DGKB: variants seen among roughly 807,000 people sequenced by gnomAD.
The protein encoded by DGKB is diacylglycerol kinase beta.
Under a neutral mutation model 114.3 loss-of-function variants are expected in DGKB, and 67 were observed. The observed-to-expected ratio is 0.59, with a 90% CI of 0.48 to 0.72. The LOEUF (loss-of-function observed/expected upper bound fraction) is 0.72. Ranked by LOEUF, DGKB falls within the 30% of genes least tolerant of loss-of-function variation. The pLI is 0.00. For synonymous variants in DGKB, 398 were observed against 323.1 expected (o/e 1.23, Z -2.49); for missense variants, 907 against 975.2 (o/e 0.93, Z 0.93).
intron 1 of DGKB, among the ~76,000 whole-genome samples, chr7:14,901,337 T>A (rs1490969700): frequency 1.3e-5 from 2 of 152,178 alleles, no homozygotes; most frequent in African/African-American, 4.8e-5. Flanking sequence ...TAGTCCTTGG[T>A]TACCCATTTT....
chr7:14,665,873 T>C (rs1381286086), intron 13 of DGKB, among the ~76,000 whole-genome samples: 2 of 152,016 alleles, frequency 1.3e-5, no homozygotes, highest in Non-Finnish European at 2.9e-5. Context: ...TAGCCTCCTA[T>C]ATGAGATTAC....
At chr7:14,553,295 T>A (rs1424414443) in intron 20 of DGKB, among the ~76,000 whole-genome samples, 1 of 152,246 alleles carries the variant, frequency 6.6e-6, no homozygotes, top group Non-Finnish European at 1.5e-5. Context: ...TTCACTTGTT[T>A]ATTGTGTCCC....
chr7:14,743,608 C>T (rs1381081222), intron 4 of DGKB, among the ~76,000 whole-genome samples: 3 of 152,100 alleles, frequency 2.0e-5, no homozygotes, highest in Middle Eastern at 3.4e-3. Context: ...ATGGGATCTC[C>T]AAAATGATGT....
intron 23 of DGKB, among the ~76,000 whole-genome samples, chr7:14,326,238 G>C (rs1238798321): frequency 6.6e-6 from 1 of 152,096 alleles, no homozygotes; most frequent in Non-Finnish European, 1.5e-5. Flanking sequence ...AAAGCAGCCT[G>C]GGTAAGTTGA....
At chr7:14,204,381 C>G (rs114315276) in intron 23 of DGKB, among the ~76,000 whole-genome samples, 2,332 of 152,022 alleles carry the variant, frequency 0.015, 65 homozygotes, top group African/African-American at 0.053. Context: ...CTACACAGTT[C>G]TACAAGTAGC....
At chr7:14,914,156 A>C (rs565063341) in intron 1 of DGKB, among the ~76,000 whole-genome samples, 1 of 152,302 alleles carries the variant, frequency 6.6e-6, no homozygotes, top group African/African-American at 2.4e-5. Flanking sequence ...CTCAAGAGAA[A>C]TACCTTGCCA....
intron 23 of DGKB, among the ~76,000 whole-genome samples, chr7:14,237,404 C>T (rs2128355494): frequency 6.6e-6 from 1 of 151,956 alleles, no homozygotes; most frequent in African/African-American, 2.4e-5. Flanking sequence ...TTTATTCCTT[C>T]AAGAGACAGG....
intron 20 of DGKB, among the ~76,000 whole-genome samples, chr7:14,553,909 G>A (rs1375319647): frequency 3.7e-5 from 4 of 109,300 alleles, no homozygotes; most frequent in Non-Finnish European, 6.6e-5. Flanking sequence ...GTCTCGCTCT[G>A]TCGCCCAGGC....
Position 14,798,195 on chromosome 7 carries a change from C to G in DGKB, c.71-40464G>C, listed in dbSNP as rs144570382. ...GAAGTTCTCACTCTGGTCTTGGACT[C>G]TATCCGGAACTGTCAGTTGTGTTTT... On this transcript the variant is annotated intron_variant, in intron 2 of 25. Transcript: ENST00000402815. 2.1e-3 allele frequency among the ~76,000 whole-genome samples: 317 copies of G among 152,288 alleles called. 1 individual carries two copies. Among genetic ancestry groups the G allele is most frequent in the Non-Finnish European group, 3.5e-3 (238 of 68,026 alleles).
intron 21 of DGKB, among the ~76,000 whole-genome samples, chr7:14,445,420 C>T (rs1387820406): frequency 2.0e-5 from 3 of 151,838 alleles, no homozygotes; most frequent in African/African-American, 7.2e-5. Flanking sequence ...AGAACTATCC[C>T]CCAAACTTTG....
intron 25 of DGKB, among the ~76,000 whole-genome samples, chr7:14,149,886 T>C (rs868728178): frequency 1.2e-4 from 19 of 152,298 alleles, no homozygotes; most frequent in Middle Eastern, 3.4e-3. Flanking sequence ...TGAGAGACTG[T>C]TCTAAAGCTA....
At chr7:14,676,389 T>C (rs1409438089) in intron 12 of DGKB, among the ~76,000 whole-genome samples, 1 of 152,008 alleles carries the variant, frequency 6.6e-6, no homozygotes, top group Admixed American at 6.6e-5. Flanking sequence ...CAGTCAGTAA[T>C]AATTTAATTG....
chr7:14,443,787 G>T (rs1037830965), intron 21 of DGKB, among the ~76,000 whole-genome samples: 1 of 151,920 alleles, frequency 6.6e-6, no homozygotes, highest in Admixed American at 6.6e-5. Context: ...GTGTGATTCT[G>T]CATAGGATTT....
chr7:14,597,039 C>A (rs1486513552), intron 17 of DGKB, among the ~76,000 whole-genome samples: 1 of 152,090 alleles, frequency 6.6e-6, no homozygotes, highest in Non-Finnish European at 1.5e-5. Context: ...TGCTTCTGGG[C>A]ACACATCTTA....
intron 23 of DGKB, among the ~76,000 whole-genome samples, chr7:14,314,036 C>A (rs1477977169): frequency 2.0e-5 from 3 of 152,176 alleles, no homozygotes; most frequent in Non-Finnish European, 4.4e-5. Flanking sequence ...ACACCTCACA[C>A]TGCAGGGTAC....
At chr7:14,238,181 C>T (rs900069279) in intron 23 of DGKB, among the ~76,000 whole-genome samples, 4 of 151,934 alleles carry the variant, frequency 2.6e-5, no homozygotes, top group Non-Finnish European at 5.9e-5. Context: ...AATTGTAATT[C>T]CCATGTATTG....
intron 21 of DGKB, among the ~76,000 whole-genome samples, chr7:14,413,497 T>C (rs1479855735): frequency 1.3e-5 from 2 of 152,152 alleles, no homozygotes; most frequent in African/African-American, 4.8e-5. Flanking sequence ...GTCTGGGTTG[T>C]ATATAAAAGT....
intron 2 of DGKB, among the ~76,000 whole-genome samples, chr7:14,773,720 A>T (rs1397986911): frequency 3.3e-5 from 5 of 152,158 alleles, no homozygotes; most frequent in South Asian, 4.1e-4. Context: ...TTCCAGAAAG[A>T]AGAATGGGAT....
intron 1 of DGKB, among the ~76,000 whole-genome samples, chr7:14,908,395 C>G (rs1008765756): frequency 6.6e-6 from 1 of 152,086 alleles, no homozygotes; most frequent in African/African-American, 2.4e-5. Context: ...ACAGAAGGCA[C>G]TGAAAAGATT....
Sources: allele counts gnomAD v4.1 joint callset (sites outside exome capture counted in the v4.1 genomes callset), GRCh38; gene constraint gnomAD v4.1.1; transcripts MANE v1.5; gene names NCBI Gene and HGNC (gene_info 2026-07-23, HGNC 2026-07-21).